The following TLK1 variants were observed in gnomAD, a reference collection of about 807,000 sequenced individuals.
TLK1 encodes the protein tousled like kinase 1, also known as serine/threonine-protein kinase tousled-like 1.
In TLK1, 24 loss-of-function variants were observed where a neutral mutation model predicts 105.3. The observed-to-expected ratio is 0.23, with a 90% CI of 0.17 to 0.32. The LOEUF (loss-of-function observed/expected upper bound fraction) is 0.32, where lower values mean the gene tolerates loss of function less well. Among genes scored for constraint, TLK1 ranks in the 10% least tolerant of loss-of-function variants. The pLI is 1.00. For missense variants in TLK1, 558 were observed against 910.5 expected (o/e 0.61, Z 4.98); for synonymous variants, 321 against 310.4 (o/e 1.03, Z -0.36).
In TLK1 at chr2:171,035,902, G is replaced by A. The variant is rs147861407; in HGVS notation, c.1170-7497C>T. ...AATGGATTCTCTTCTAGAGTCTCTA[G>A]AAGTAACATAGCCCTGTTAACAATT... On this transcript the variant is annotated intron_variant, in intron 11 of 20. Coordinates refer to ENST00000431350, the MANE Select transcript of TLK1 (RefSeq NM_012290.5). Among the ~76,000 whole-genome samples the A allele has an allele frequency of 5.0e-3, 768 of 152,282 alleles. 7 individuals carry two copies. The highest frequency in any genetic ancestry group is 0.017 in the African/African-American group (714 of 41,536).
At chr2:171,041,809 C>T (rs182657377) in intron 11 of TLK1, among the ~76,000 whole-genome samples, 7 of 152,180 alleles carry the variant, frequency 4.6e-5, no homozygotes, top group Admixed American at 4.6e-4. Context: ...CAATTGATAA[C>T]TAGATTCATA....
rs113304895 is a variant in TLK1 at position 171,063,043 on chromosome 2, T to C, written c.331-1887A>G. 3.6e-3 allele frequency among the ~76,000 whole-genome samples: 545 copies of C among 152,272 alleles called. 7 individuals are homozygous for C. Among genetic ancestry groups the C allele is most frequent in the African/African-American group, 0.012 (502 of 41,552 alleles). On this transcript the variant is annotated intron_variant, in intron 3 of 20. Transcript: ENST00000431350. ...CACTACATTAAAAATTCTTTTAACA[T>C]TTATTAAAGAACCCTAAATCGGCCG...
chr2:171,221,614 T>C (rs1225306191), intron 1 of TLK1, among the ~76,000 whole-genome samples: 4 of 152,234 alleles, frequency 2.6e-5, no homozygotes, highest in Non-Finnish European at 5.9e-5. Context: ...CAGCTCAGGC[T>C]GCCTTAACGA....
At chr2:171,188,236 C>T (rs776333950) in intron 1 of TLK1, among the ~76,000 whole-genome samples, 2 of 152,196 alleles carry the variant, frequency 1.3e-5, no homozygotes, top group Admixed American at 1.3e-4. Flanking sequence ...ATCCTGTACA[C>T]ACTTAAAATC....
intron 11 of TLK1, among the ~76,000 whole-genome samples, chr2:171,042,094 G>A (rs1470350453): frequency 2.6e-5 from 4 of 152,148 alleles, no homozygotes; most frequent in Admixed American, 2.6e-4. Flanking sequence ...GTCAACATAT[G>A]TAATAAAATG....
At chr2:171,037,270 C>A (rs1686399597) in intron 11 of TLK1, among the ~76,000 whole-genome samples, 1 of 151,814 alleles carries the variant, frequency 6.6e-6, no homozygotes, top group Admixed American at 6.6e-5. Context: ...GGAGAAACCC[C>A]ATCTCTACTA....
chr2:171,086,757 C>A (rs751236587), intron 2 of TLK1, among the ~76,000 whole-genome samples: 1 of 152,010 alleles, frequency 6.6e-6, no homozygotes, highest in East Asian at 1.9e-4. Context: ...GCACAAACAG[C>A]AGTTGAAACC....
chr2:171,070,342 C>T (rs368115972), intron 3 of TLK1, among the ~76,000 whole-genome samples: 1 of 151,062 alleles, frequency 6.6e-6, no homozygotes, highest in African/African-American at 2.4e-5. Flanking sequence ...TTTGACTATA[C>T]ACACTCTGTT....
At chr2:171,081,848 A>C in intron 3 of TLK1, 1 of 466,098 alleles carries the variant, frequency 2.1e-6, no homozygotes, top group South Asian at 2.0e-5. Flanking sequence ...AAAAGATGCC[A>C]CCTTTGAAGT....
rs763030592 is a variant in TLK1, at chr2:171,049,867, G to A, written c.927C>T (p.Gly309=). ...RLGHFTTVRH[G]ASFTEQWTDG... ...CTGTCCATTGTTCAGTAAATGAAGC[G>A]CCATGTCTAACTGTTGTAAAGTGCC... The change falls in exon 10 of 21, where the codon GGC becomes GGT. Residue 309 remains glycine, a synonymous_variant. Coordinates refer to ENST00000431350, the MANE Select transcript of TLK1 (RefSeq NM_012290.5). The A allele has an allele frequency of 1.7e-5, 28 of 1,613,706 alleles. No individual in the cohort carries two copies. Among genetic ancestry groups the A allele is most frequent in the Non-Finnish European group, 2.2e-5 (26 of 1,179,960 alleles).
chr2:171,056,918 G>GC (rs1348593586), intron 5 of TLK1, among the ~76,000 whole-genome samples: 2 of 151,898 alleles, frequency 1.3e-5, no homozygotes, highest in African/African-American at 4.8e-5. Flanking sequence ...TGTTTATTGA[G>GC]CCATATAGTC....
At chr2:171,198,596 G>C (rs926504473) in intron 1 of TLK1, among the ~76,000 whole-genome samples, 3 of 152,218 alleles carry the variant, frequency 2.0e-5, no homozygotes, top group South Asian at 2.1e-4. Context: ...GAGCAGCTGG[G>C]ACTAGATAGA....
chr2:171,055,657 T>C (rs1000809796), intron 6 of TLK1, among the ~76,000 whole-genome samples: 1 of 152,022 alleles, frequency 6.6e-6, no homozygotes, highest in Non-Finnish European at 1.5e-5. Flanking sequence ...TATAACATTG[T>C]ATCAGCGCTA....
At chr2:170,999,666 T>C (rs1376845639) in intron 18 of TLK1, among the ~76,000 whole-genome samples, 1 of 152,244 alleles carries the variant, frequency 6.6e-6, no homozygotes, top group Non-Finnish European at 1.5e-5. Context: ...CGAGTATTTA[T>C]AGTGCTATCC....
At chr2:171,228,802 T>A (rs75343266) in intron 1 of TLK1, among the ~76,000 whole-genome samples, 8,561 of 152,240 alleles carry the variant, frequency 0.056, 499 homozygotes, top group East Asian at 0.25. Context: ...CATTTTGTAC[T>A]CTGGAGATAT....
At chr2:170,994,087 TA>T (rs750378705) in intron 20 of TLK1, 131 bp from the exon 21 acceptor site, 4,461 of 926,688 alleles carry the variant, frequency 4.8e-3, no homozygotes, top group South Asian at 7.3e-3. Context: ...GTTCAAACCT[TA>T]AAAAAAAAAT....
At chr2:171,040,056 G>A (rs1686585347) in intron 11 of TLK1, among the ~76,000 whole-genome samples, 1 of 152,004 alleles carries the variant, frequency 6.6e-6, no homozygotes, top group African/African-American at 2.4e-5. Context: ...GTGTGTCTGT[G>A]TATAGAAGCA....
At chr2:171,141,590 C>T (rs1463843685) in intron 1 of TLK1, among the ~76,000 whole-genome samples, 1 of 152,006 alleles carries the variant, frequency 6.6e-6, no homozygotes, top group Non-Finnish European at 1.5e-5. Context: ...AGATTACAGT[C>T]AAAGGAGCAA....
intron 3 of TLK1, chr2:171,067,110 T>C: frequency 1.2e-6 from 1 of 828,544 alleles, no homozygotes; most frequent in Non-Finnish European, 1.7e-6. Flanking sequence ...ATTTCTCTGG[T>C]ATACATACTT....
Sources: gnomAD v4.1 joint callset for allele counts (sites outside exome capture counted in the v4.1 genomes callset) on GRCh38, gnomAD v4.1.1 for gene constraint, MANE v1.5 for transcripts, NCBI Gene and HGNC (gene_info 2026-07-23, HGNC 2026-07-21) for gene names.